CCSER1: variants seen among roughly 807,000 people sequenced by gnomAD.
CCSER1 encodes the protein coiled-coil serine rich protein 1.
CCSER1 carries 41 observed loss-of-function variants against 82.0 expected under a neutral mutation model. The observed-to-expected ratio is 0.50, with a 90% CI of 0.39 to 0.65. The LOEUF is 0.65. Among genes scored for constraint, CCSER1 ranks in the 30% least tolerant of loss-of-function variants. CCSER1 has a pLI of 0.00. For synonymous variants in CCSER1, 414 were observed against 383.9 expected (o/e 1.08, Z -0.92); for missense variants, 1,119 against 1,064.2 (o/e 1.05, Z -0.72).
At chr4:91,524,395 T>G (rs921049931) in intron 10 of CCSER1, among the ~76,000 whole-genome samples, 2 of 152,262 alleles carry the variant, frequency 1.3e-5, no homozygotes, top group Non-Finnish European at 2.9e-5. Context: ...GAAAGCAGAT[T>G]TTTCAGTTCA....
At chr4:90,556,227 A>C (rs915828574) in intron 5 of CCSER1, among the ~76,000 whole-genome samples, 1 of 152,126 alleles carries the variant, frequency 6.6e-6, no homozygotes, top group Non-Finnish European at 1.5e-5. Flanking sequence ...AGCTAATTAA[A>C]CTGATAGAAA....
intron 10 of CCSER1, among the ~76,000 whole-genome samples, chr4:91,213,875 C>T (rs1737031410): frequency 6.6e-6 from 1 of 152,086 alleles, no homozygotes; most frequent in Non-Finnish European, 1.5e-5. Flanking sequence ...GTGGATTCTT[C>T]CATGGAAAAG....
chr4:91,567,870 T>C (rs1013006980), intron 10 of CCSER1, among the ~76,000 whole-genome samples: 1 of 152,088 alleles, frequency 6.6e-6, no homozygotes, highest in East Asian at 1.9e-4. Flanking sequence ...ACACTCAAGG[T>C]TAGTATTGAT....
At chr4:90,633,312 T>G (rs969725704) in intron 6 of CCSER1, among the ~76,000 whole-genome samples, 1 of 152,032 alleles carries the variant, frequency 6.6e-6, no homozygotes, top group African/African-American at 2.4e-5. Context: ...AAATTTCTCC[T>G]CTTTAAAAGA....
intron 9 of CCSER1, among the ~76,000 whole-genome samples, chr4:90,996,938 A>G (rs2054332): frequency 0.27 from 41,263 of 152,028 alleles, 6,768 homozygotes; most frequent in East Asian, 0.39. Flanking sequence ...GTTGTTAAGT[A>G]TTATGAGTAA....
intron 10 of CCSER1, among the ~76,000 whole-genome samples, chr4:91,256,962 AT>A (rs1233448697): frequency 2.0e-5 from 3 of 152,324 alleles, no homozygotes; most frequent in Admixed American, 1.3e-4. Flanking sequence ...TAGTATCGTC[AT>A]TCATAACATA....
chr4:90,440,462 G>A (rs1214095521), intron 4 of CCSER1, among the ~76,000 whole-genome samples: 1 of 152,124 alleles, frequency 6.6e-6, no homozygotes, highest in Non-Finnish European at 1.5e-5. Context: ...TATTCAGGGA[G>A]GTAAAGAAAG....
chr4:91,426,130 A>C (rs113673830), intron 10 of CCSER1, among the ~76,000 whole-genome samples: 9,072 of 152,148 alleles, frequency 0.06, 473 homozygotes, highest in East Asian at 0.2. Flanking sequence ...GAGTGAGCAC[A>C]TGCGGTGTTT....
At chr4:90,229,119 A>G (rs1743885419) in intron 1 of CCSER1, among the ~76,000 whole-genome samples, 1 of 152,200 alleles carries the variant, frequency 6.6e-6, no homozygotes, top group African/African-American at 2.4e-5. Flanking sequence ...AATACAGAGA[A>G]CGCCACAAAG....
At chr4:90,431,120 A>C (rs1390317414) in intron 4 of CCSER1, among the ~76,000 whole-genome samples, 1 of 152,032 alleles carries the variant, frequency 6.6e-6, no homozygotes, top group Non-Finnish European at 1.5e-5. Flanking sequence ...TGTTAATATA[A>C]GTTAATATGG....
At chr4:91,595,943 T>TAAAAAAAAAAAAA (rs1170927227) in intron 10 of CCSER1, among the ~76,000 whole-genome samples, 2 of 78,888 alleles carry the variant, frequency 2.5e-5, no homozygotes, top group African/African-American at 5.3e-5. Context: ...ACAGAGAACT[T>TAAAAAAAAAAAAA]AAAAAAAAAA....
rs1393354643 is a variant in CCSER1, at chr4:91,323,684, GAAGTCT to G, written c.2217+237695_2217+237700del. On this transcript the variant is annotated intron_variant, in intron 10 of 10. Transcript: ENST00000509176. ...CTCATTTAAACTTTGAACAATCTAA[GAAGTCT>G]AAGTTTTCTTTTTGTCAGAAACTCA... Among the ~76,000 whole-genome samples the G allele has an allele frequency of 2.0e-5, 3 of 152,240 alleles. No individual in the cohort carries two copies. The East Asian group carries it at 5.8e-4, about 29-fold the overall frequency.
At chr4:90,610,145 C>T (rs1215414508) in intron 5 of CCSER1, among the ~76,000 whole-genome samples, 2 of 151,696 alleles carry the variant, frequency 1.3e-5, no homozygotes, top group African/African-American at 2.4e-5. Context: ...CCCAGCTACT[C>T]GGGAGGCTGA....
intron 4 of CCSER1, among the ~76,000 whole-genome samples, chr4:90,438,148 T>C (rs1172668152): frequency 2.0e-5 from 3 of 152,196 alleles, no homozygotes; most frequent in African/African-American, 7.2e-5. Context: ...TGTTATATCA[T>C]TGATGTTATT....
chr4:90,335,587 A>G (rs1036968612), intron 3 of CCSER1, among the ~76,000 whole-genome samples: 1 of 152,174 alleles, frequency 6.6e-6, no homozygotes, highest in Admixed American at 6.5e-5. Context: ...TTTTAGCCCT[A>G]TGAAAGCAAA....
At chr4:90,197,246 C>T (rs1736789562) in intron 1 of CCSER1, among the ~76,000 whole-genome samples, 1 of 152,060 alleles carries the variant, frequency 6.6e-6, no homozygotes, top group Non-Finnish European at 1.5e-5. Flanking sequence ...GAAGGGGTGC[C>T]ACAGTCCAGG....
chr4:91,059,380 C>T (rs189030092), intron 9 of CCSER1, among the ~76,000 whole-genome samples: 3 of 91,022 alleles, frequency 3.3e-5, no homozygotes, highest in Non-Finnish European at 5.0e-5. Context: ...TGTGCGCATG[C>T]ACACCTGTGT....
chr4:91,354,398 G>T (rs1748682760), intron 10 of CCSER1, among the ~76,000 whole-genome samples: 1 of 152,158 alleles, frequency 6.6e-6, no homozygotes, highest in African/African-American at 2.4e-5. Flanking sequence ...CACTGATCAG[G>T]CAGATTAGCA....
At chr4:91,077,777 A>G (rs141659176) in intron 9 of CCSER1, among the ~76,000 whole-genome samples, 45 of 152,304 alleles carry the variant, frequency 3.0e-4, no homozygotes, top group African/African-American at 1.1e-3. Flanking sequence ...GTCTTAGCAA[A>G]CAGCACACCA....
Sources: allele counts gnomAD v4.1 joint callset (sites outside exome capture counted in the v4.1 genomes callset), GRCh38; gene constraint gnomAD v4.1.1; transcripts MANE v1.5; gene names NCBI Gene and HGNC (gene_info 2026-07-23, HGNC 2026-07-21).